CPEB1: variants seen among roughly 807,000 people sequenced by gnomAD.
CPEB1 encodes cytoplasmic polyadenylation element binding protein 1.
A neutral mutation model predicts 65.8 loss-of-function variants in CPEB1; 7 were observed. The observed-to-expected ratio is 0.11, with a 90% confidence interval of 0.06 to 0.20. The LOEUF (loss-of-function observed/expected upper bound fraction) is 0.20, where lower values mean the gene tolerates loss of function less well. CPEB1 is among the 10% of genes least tolerant of loss of function. The pLI is 1.00. For synonymous variants in CPEB1, 262 were observed against 260.0 expected (o/e 1.01, Z -0.08); for missense variants, 551 against 712.2 (o/e 0.77, Z 2.58).
chr15:82,600,774 A>C (rs1294452722), intron 3 of CPEB1, among the ~76,000 whole-genome samples: 1 of 152,152 alleles, frequency 6.6e-6, no homozygotes, highest in East Asian at 1.9e-4. Context: ...AGAACAAAGA[A>C]GACTCAGTAA....
At position 82,547,127 on chromosome 15, in the gene CPEB1, A is replaced by G; in HGVS notation, c.1575+16T>C. On this transcript the variant is annotated intron_variant, in intron 11 of 12. Transcript: ENST00000684509. ...CTCATATACCCCAGAGTAAGGGCAT[A>G]AACCAGCCAACTCACCTTCTTTGTG... is the stretch of plus-strand genomic sequence containing the variant. 6.3e-7 allele frequency: 1 copy of G among 1,593,852 alleles called. No individual in the cohort carries two copies. Among genetic ancestry groups the G allele is most frequent in the Non-Finnish European group, 8.6e-7 (1 of 1,161,986 alleles).
At chr15:82,622,181 C>T (rs1044093797) in intron 3 of CPEB1, among the ~76,000 whole-genome samples, 4 of 152,114 alleles carry the variant, frequency 2.6e-5, no homozygotes, top group Admixed American at 2.6e-4. Context: ...AGGTGGCAGA[C>T]ATCCCTGTCA....
At chr15:82,563,220 G>A (rs1360491887) in intron 4 of CPEB1, among the ~76,000 whole-genome samples, 1 of 152,046 alleles carries the variant, frequency 6.6e-6, no homozygotes, top group Non-Finnish European at 1.5e-5. Context: ...ATGTTATTAA[G>A]GATTTAAGGA....
At chr15:82,547,086 A>G (rs2035362890) in intron 11 of CPEB1, 57 bp downstream of exon 11, 3 of 1,222,668 alleles carry the variant, frequency 2.5e-6, no homozygotes, top group African/African-American at 1.5e-5. Flanking sequence ...CCTGGGTAGT[A>G]ACTGCCCAAA....
chr15:82,639,924 GT>G (rs1345569554), intron 1 of CPEB1, among the ~76,000 whole-genome samples: 3 of 152,048 alleles, frequency 2.0e-5, no homozygotes, highest in African/African-American at 7.2e-5. Context: ...TACATATGTT[GT>G]CAGTTGTAGG....
rs2150970476 is a variant in CPEB1 at position 82,556,085 on chromosome 15, G to A, written c.725C>T (p.Ser242Phe). 6.2e-7 allele frequency: 1 copy of A among 1,610,236 alleles called. No individual in the cohort carries two copies. The highest frequency in any genetic ancestry group is 2.2e-5 in the East Asian group (1 of 44,746). Residue 242 changes from serine to phenylalanine, a missense_variant, in exon 6 of 13, where the codon TCT (serine) becomes TTT (phenylalanine). Transcript: ENST00000684509. Reference protein sequence around the residue: ...LRISPPLPFLSLSGGGPRDPL... With the variant: ...LRISPPLPFLFLSGGGPRDPL... Reference sequence around the variant, plus strand: ...GTCTCTGGGACCACCCCCTGACAGAGACAGGAAGGGCAGAGGTGGAGAAAT... The same window carrying A: ...GTCTCTGGGACCACCCCCTGACAGAAACAGGAAGGGCAGAGGTGGAGAAAT...
At chr15:82,594,621 A>G (rs868320343) in intron 3 of CPEB1, among the ~76,000 whole-genome samples, 2 of 152,208 alleles carry the variant, frequency 1.3e-5, no homozygotes, top group Non-Finnish European at 1.5e-5. Context: ...TAGCCCTTTT[A>G]GTTTACTGCA....
intron 3 of CPEB1, among the ~76,000 whole-genome samples, chr15:82,619,979 A>C (rs1003520256): frequency 6.6e-6 from 1 of 152,214 alleles, no homozygotes; most frequent in Non-Finnish European, 1.5e-5. Flanking sequence ...CAATGGCCCC[A>C]AACTGGAAAC....
Position 82,557,971 on chromosome 15 carries a change from T to C in CPEB1, c.476A>G (p.His159Arg), listed in dbSNP as rs768896324. 1.9e-6 allele frequency: 3 copies of C among 1,611,396 alleles called. No homozygotes were observed. Among genetic ancestry groups the C allele is most frequent in the East Asian group, 2.2e-5 (1 of 44,864 alleles). Residue 159 changes from histidine to arginine, a missense_variant, in exon 5 of 13, where the codon CAT becomes CGT. His to Arg is a conservative substitution (Grantham distance 29, BLOSUM62 0). Transcript: ENST00000684509. ...SSTHSVLSML[H>R]NPLGNVLGKP... ...TCCTAGGACATTTCCCAGTGGGTTATGGAGCATGCTCAGTACTAGGAGGAC... is the reference window on the plus strand; with the variant it reads ...TCCTAGGACATTTCCCAGTGGGTTACGGAGCATGCTCAGTACTAGGAGGAC...
chr15:82,587,051 T>A (rs188058955), intron 3 of CPEB1, among the ~76,000 whole-genome samples: 2 of 152,102 alleles, frequency 1.3e-5, no homozygotes, highest in Non-Finnish European at 2.9e-5. Context: ...AAATTCAACA[T>A]AGGAAAAGAT....
At chr15:82,616,805 T>C (rs979432387) in intron 3 of CPEB1, among the ~76,000 whole-genome samples, 2 of 152,216 alleles carry the variant, frequency 1.3e-5, no homozygotes, top group Non-Finnish European at 2.9e-5. Context: ...AATATATGCA[T>C]TTAAATCCTA....
chr15:82,573,127 A>C (rs549292365), intron 3 of CPEB1: 151 of 1,535,542 alleles, frequency 9.8e-5, no homozygotes, highest in Admixed American at 1.4e-4. Flanking sequence ...CGAGAGAATA[A>C]TGCTGCCACA....
intron 3 of CPEB1, among the ~76,000 whole-genome samples, chr15:82,614,865 G>A (rs2044552555): frequency 8.5e-6 from 1 of 117,968 alleles, no homozygotes; most frequent in South Asian, 3.1e-4. Flanking sequence ...GTGTGTGTGT[G>A]TGTGTGTGTG....
At chr15:82,610,626 T>G (rs2044038906) in intron 3 of CPEB1, among the ~76,000 whole-genome samples, 1 of 152,060 alleles carries the variant, frequency 6.6e-6, no homozygotes, top group Non-Finnish European at 1.5e-5. Context: ...TCCAATACCC[T>G]TTCATGATAA....
intron 3 of CPEB1, among the ~76,000 whole-genome samples, chr15:82,614,879 GTA>G (rs201830435): frequency 0.16 from 18,200 of 113,076 alleles, 1,157 homozygotes; most frequent in East Asian, 0.31. Flanking sequence ...GTGTGTGTGT[GTA>G]TATATATATA....
At chr15:82,600,543 C>A (rs969576613) in intron 3 of CPEB1, among the ~76,000 whole-genome samples, 5 of 152,008 alleles carry the variant, frequency 3.3e-5, no homozygotes, top group South Asian at 2.1e-4. Context: ...AATATACACA[C>A]AATTGAAATG....
intron 3 of CPEB1, among the ~76,000 whole-genome samples, chr15:82,585,792 G>T (rs2041747945): frequency 6.6e-6 from 1 of 152,134 alleles, no homozygotes; most frequent in South Asian, 2.1e-4. Flanking sequence ...TTCTCTGAAT[G>T]AACAGTTTGA....
At chr15:82,567,919 A>G (rs551660219) in intron 4 of CPEB1, among the ~76,000 whole-genome samples, 50 of 152,326 alleles carry the variant, frequency 3.3e-4, no homozygotes, top group African/African-American at 1.2e-3. Flanking sequence ...ACAGCTGATA[A>G]GCTGAGACTC....
intron 3 of CPEB1, among the ~76,000 whole-genome samples, chr15:82,609,069 TAAAC>T (rs2043888762): frequency 2.0e-5 from 3 of 152,254 alleles, no homozygotes; most frequent in Middle Eastern, 3.4e-3. Flanking sequence ...ACGTGGAAAT[TAAAC>T]AACATACTCT....
Sources: gnomAD v4.1 joint callset for allele counts (sites outside exome capture counted in the v4.1 genomes callset) on GRCh38, gnomAD v4.1.1 for gene constraint, MANE v1.5 for transcripts, NCBI Gene and HGNC (gene_info 2026-07-23, HGNC 2026-07-21) for gene names.